The following BAZ1A variants were observed in gnomAD, a reference collection of about 807,000 sequenced individuals.
BAZ1A encodes bromodomain adjacent to zinc finger domain protein 1A.
Under a neutral mutation model 185.2 loss-of-function variants are expected in BAZ1A, and 50 were observed. That is an observed-to-expected ratio of 0.27 (90% CI 0.22 to 0.34). BAZ1A has a LOEUF of 0.34. Ranked by LOEUF, BAZ1A falls within the 10% of genes least tolerant of loss-of-function variation. The probability of loss-of-function intolerance (pLI) is 1.00; values close to 1 mark genes in which losing one functional copy is unlikely to be tolerated. For synonymous variants in BAZ1A, 571 were observed against 615.6 expected (o/e 0.93, Z 1.07); for missense variants, 1,356 against 1,839.9 (o/e 0.74, Z 4.81).
At chr14:34,778,953 C>T (rs1197195004) in intron 17 of BAZ1A, among the ~76,000 whole-genome samples, 2 of 152,186 alleles carry the variant, frequency 1.3e-5, no homozygotes, top group Non-Finnish European at 2.9e-5. Flanking sequence ...CTCCCAGGCT[C>T]AAGTGACCCT....
chr14:34,755,422 T>C (rs1397249230), intron 25 of BAZ1A, among the ~76,000 whole-genome samples: 1 of 152,182 alleles, frequency 6.6e-6, no homozygotes, highest in Non-Finnish European at 1.5e-5. Flanking sequence ...GTTGTGTGTC[T>C]GAGACTTTCT....
At chr14:34,760,732 G>C (rs1377588396) in intron 24 of BAZ1A, among the ~76,000 whole-genome samples, 2 of 151,890 alleles carry the variant, frequency 1.3e-5, no homozygotes, top group Non-Finnish European at 2.9e-5. Flanking sequence ...CATTCCTGTA[G>C]TCGCAGCTGC....
At chr14:34,864,390 A>AC (rs1407709147) in intron 2 of BAZ1A, among the ~76,000 whole-genome samples, 1 of 151,668 alleles carries the variant, frequency 6.6e-6, no homozygotes, top group Admixed American at 6.6e-5. Flanking sequence ...ACAATTCACC[A>AC]CCTCAGCCTC....
intron 3 of BAZ1A, among the ~76,000 whole-genome samples, chr14:34,839,772 G>A (rs185317130): frequency 1.3e-4 from 20 of 148,254 alleles, no homozygotes; most frequent in Non-Finnish European, 1.3e-4. Flanking sequence ...CCTGGGAGGC[G>A]GAGCTTGCAG....
intron 9 of BAZ1A, among the ~76,000 whole-genome samples, chr14:34,796,438 C>T (rs188392173): frequency 2.6e-5 from 4 of 152,232 alleles, no homozygotes; most frequent in Admixed American, 2.6e-4. Flanking sequence ...TGAAACTTCC[C>T]CTTATGTTTG....
At chr14:34,784,764 C>T (rs1392712337) in intron 14 of BAZ1A, among the ~76,000 whole-genome samples, 8 of 151,986 alleles carry the variant, frequency 5.3e-5, no homozygotes, top group South Asian at 2.1e-4. Context: ...CTGATCTGCC[C>T]GCCTCAGCCT....
chr14:34,870,828 T>A (rs75356338), intron 2 of BAZ1A, among the ~76,000 whole-genome samples: 1 of 152,214 alleles, frequency 6.6e-6, no homozygotes, highest in African/African-American at 2.4e-5. Context: ...CCCCAACTTG[T>A]TTCCTCACCT....
chr14:34,781,586 G>A (rs953426675), intron 16 of BAZ1A, among the ~76,000 whole-genome samples: 22 of 150,514 alleles, frequency 1.5e-4, no homozygotes, highest in Admixed American at 8.6e-4. Flanking sequence ...GCACAATTTC[G>A]GCTCATTGCA....
intron 21 of BAZ1A, among the ~76,000 whole-genome samples, chr14:34,766,158 A>C (rs529624131): frequency 6.6e-6 from 1 of 152,294 alleles, no homozygotes; most frequent in African/African-American, 2.4e-5. Flanking sequence ...ACTGTAATAC[A>C]TGGAGAGTAT....
rs879043479 is a variant in BAZ1A at position 34,800,102 on chromosome 14, CTATGCACATTCA to C, written c.1128+110_1128+121del. On this transcript the variant is annotated intron_variant, in intron 9 of 26. Coordinates refer to ENST00000360310, the MANE Select transcript of BAZ1A (RefSeq NM_013448.3). ...AAAGGGAGATAAACCAATCAACTTTCTATGCACATTCATAAATGTGAATGAAAGTAGTAAAAG... is the reference window on the plus strand; with the variant it reads ...AAAGGGAGATAAACCAATCAACTTTCTAAATGTGAATGAAAGTAGTAAAAG... 9.2e-5 allele frequency: 94 copies of C among 1,019,920 alleles called. No individual in the cohort carries two copies. The South Asian group carries it at 2.4e-3, about 26-fold the overall frequency. 63.2% of individuals were successfully genotyped at this position (1,019,920 alleles called of 1,614,324 possible).
At chr14:34,789,752 C>T (rs1219234635) in intron 12 of BAZ1A, among the ~76,000 whole-genome samples, 1 of 152,044 alleles carries the variant, frequency 6.6e-6, no homozygotes, top group Non-Finnish European at 1.5e-5. Flanking sequence ...AACAGGGAGA[C>T]CAAGGGCCAA....
rs905289024 is a variant in BAZ1A at position 34,874,016 on chromosome 14, G to A, written c.113+476C>T. ...CTCCCGACTGAGAAAACGAAGCCCA[G>A]CCCAGTCGTTTCCTGCCCACCGGGG... is the stretch of plus-strand genomic sequence containing the variant. On this transcript the variant is annotated intron_variant, in intron 2 of 26. Transcript: ENST00000360310. This position sits in a 1 kb window ranked among gnomAD's most constrained non-coding sequence, Gnocchi z 4.7. Among the ~76,000 whole-genome samples, 4 of 152,112 alleles carry A rather than the reference G, an allele frequency of 2.6e-5. No individual in the cohort carries two copies. Among genetic ancestry groups the A allele is most frequent in the Non-Finnish European group, 5.9e-5 (4 of 67,994 alleles).
At position 34,856,708 on chromosome 14, in the gene BAZ1A, A is replaced by C. The variant is rs373341145; in HGVS notation, c.392+5336T>G. Among the ~76,000 whole-genome samples, 90 of 151,770 alleles carry C rather than the reference A, an allele frequency of 5.9e-4. No individual in the cohort carries two copies. The East Asian group carries it at 0.016, about 28-fold the overall frequency. On this transcript the variant is annotated intron_variant, in intron 3 of 26. Coordinates refer to ENST00000360310, the MANE Select transcript of BAZ1A (RefSeq NM_013448.3). ...CCCCATCTCTACTAAAAATGCAAAA[A>C]TTAGCTGGGTGTGGTGGCGGGCGCC... is the stretch of plus-strand genomic sequence containing the variant.
At chr14:34,821,938 C>G (rs139841228) in intron 4 of BAZ1A, among the ~76,000 whole-genome samples, 1 of 151,640 alleles carries the variant, frequency 6.6e-6, no homozygotes, top group Non-Finnish European at 1.5e-5. Context: ...AAGCCAAGAT[C>G]GCACCATTGC....
chr14:34,850,190 C>T (rs1436619997), intron 3 of BAZ1A, among the ~76,000 whole-genome samples: 6 of 151,986 alleles, frequency 3.9e-5, no homozygotes, highest in Non-Finnish European at 7.4e-5. Flanking sequence ...CCAGCCTGGG[C>T]GACATGGCGA....
At chr14:34,821,785 G>A (rs2042093834) in intron 4 of BAZ1A, among the ~76,000 whole-genome samples, 2 of 152,090 alleles carry the variant, frequency 1.3e-5, no homozygotes, top group African/African-American at 4.8e-5. Context: ...GGGAGTTCGC[G>A]ACCAGCCTGA....
intron 4 of BAZ1A, among the ~76,000 whole-genome samples, chr14:34,814,667 G>A (rs1050463443): frequency 1.3e-5 from 2 of 151,722 alleles, no homozygotes; most frequent in Admixed American, 1.3e-4. Context: ...TAGAGACAGG[G>A]TTTCTCCACA....
chr14:34,787,363 A>AAAAAAAAAAAAAG lies in BAZ1A; in HGVS notation c.1511-1143_1511-1142insCTTTTTTTTTTTT, dbSNP rs775338809. Among the ~76,000 whole-genome samples, 10 of 112,812 alleles carry AAAAAAAAAAAAAG rather than the reference A, an allele frequency of 8.9e-5. 2 individuals carry two copies. Among genetic ancestry groups the AAAAAAAAAAAAAG allele is most frequent in the Non-Finnish European group, 1.1e-4 (6 of 56,790 alleles). The allele number at this position is 112,812 out of a possible 152,430, so 74.0% of individuals were successfully genotyped here. A position where few individuals can be genotyped will look rare whatever the true frequency, so the allele number is the denominator to read the frequency against. On this transcript the variant is annotated intron_variant, in intron 12 of 26. Transcript: ENST00000360310. ...CAAGACTCTGTCTCAAAAAAAAAAA[A>AAAAAAAAAAAAAG]AAAAAGAAAAGAAAACTTCCCAATC...
intron 4 of BAZ1A, among the ~76,000 whole-genome samples, 168 bp from the exon 5 acceptor site, chr14:34,811,204 G>C (rs2041925526): frequency 6.6e-6 from 1 of 152,076 alleles, no homozygotes; most frequent in Non-Finnish European, 1.5e-5. Flanking sequence ...GAATGCAATG[G>C]TGCAGTCTCA....
Sources: gnomAD v4.1 joint callset for allele counts (sites outside exome capture counted in the v4.1 genomes callset) on GRCh38, gnomAD v4.1.1 for gene constraint, Gnocchi (gnomAD v3.1) non-coding constraint, MANE v1.5 for transcripts, NCBI Gene and HGNC (gene_info 2026-07-23, HGNC 2026-07-21) for gene names.